NTM: variants seen among roughly 807,000 people sequenced by gnomAD.
NTM encodes IgLON family member 2.
NTM carries 13 observed loss-of-function variants against 42.1 expected under a neutral mutation model. The ratio of observed to expected loss-of-function variants is 0.31; its 90% CI spans 0.20 to 0.49. The LOEUF (loss-of-function observed/expected upper bound fraction) is 0.49. Ranked by LOEUF, NTM falls within the 20% of genes least tolerant of loss-of-function variation. The probability of loss-of-function intolerance (pLI) is 0.99; values close to 1 mark genes in which losing one functional copy is unlikely to be tolerated. For missense variants in NTM, 373 were observed against 452.8 expected (o/e 0.82, Z 1.60); for synonymous variants, 187 against 179.2 (o/e 1.04, Z -0.35).
rs114186188 is a variant in NTM at position 132,254,662 on chromosome 11, C to T, written c.526+42515C>T. ...CTCTCTCCCACTTCTATAAAAGACT[C>T]GGTTTCTGCATCACTGGAAGACCGC... On this transcript the variant is annotated intron_variant, in intron 4 of 8. Coordinates refer to ENST00000683400, the MANE Select transcript of NTM (RefSeq NM_001352005.2). 9.0e-4 allele frequency among the ~76,000 whole-genome samples: 137 copies of T among 152,196 alleles called. 1 individual carries two copies. Among genetic ancestry groups the T allele is most frequent in the African/African-American group, 3.3e-3 (136 of 41,532 alleles).
chr11:132,208,838 G>C (rs543492307), intron 3 of NTM, among the ~76,000 whole-genome samples: 1 of 152,176 alleles, frequency 6.6e-6, no homozygotes, highest in African/African-American at 2.4e-5. Context: ...CATGGCATTG[G>C]CGTGACATAA....
chr11:131,500,577 A>ATATT (rs2046659628), intron 1 of NTM, among the ~76,000 whole-genome samples: 1 of 76,200 alleles, frequency 1.3e-5, no homozygotes, highest in Non-Finnish European at 2.2e-5. Flanking sequence ...ATATATATAT[A>ATATT]TTTTTTTTTT....
intron 2 of NTM, among the ~76,000 whole-genome samples, chr11:131,986,855 ATAACT>A (rs2066148621): frequency 6.6e-6 from 1 of 152,228 alleles, no homozygotes; most frequent in South Asian, 2.1e-4. Flanking sequence ...TTAGTCTTAA[ATAACT>A]TAATTCTTAT....
intron 3 of NTM, among the ~76,000 whole-genome samples, chr11:132,199,053 G>A (rs1029215360): frequency 6.6e-6 from 1 of 152,242 alleles, no homozygotes; most frequent in Non-Finnish European, 1.5e-5. Flanking sequence ...GAAAGTGGCA[G>A]TGAATTCTTT....
At chr11:131,389,449 G>C (rs1050367537) in intron 1 of NTM, among the ~76,000 whole-genome samples, 1 of 152,196 alleles carries the variant, frequency 6.6e-6, no homozygotes, top group African/African-American at 2.4e-5. Context: ...CATTCGCCTT[G>C]GTGGCAGGTG....
chr11:131,734,284 C>T (rs543783882), intron 1 of NTM, among the ~76,000 whole-genome samples: 22 of 152,270 alleles, frequency 1.4e-4, no homozygotes, highest in African/African-American at 4.3e-4. Context: ...GCTGAATGGC[C>T]GCTGCCATGG....
chr11:132,166,120 C>A (rs369919111), intron 3 of NTM, among the ~76,000 whole-genome samples: 2 of 152,112 alleles, frequency 1.3e-5, no homozygotes, highest in African/African-American at 4.8e-5. Flanking sequence ...AATCATGTAG[C>A]ACTTTTCTTT....
At chr11:131,580,960 C>T (rs1375744196) in intron 1 of NTM, among the ~76,000 whole-genome samples, 1 of 152,090 alleles carries the variant, frequency 6.6e-6, no homozygotes. Context: ...AAGAGCTATG[C>T]TTGGTCAGTA....
intron 1 of NTM, among the ~76,000 whole-genome samples, chr11:131,670,390 T>TC (rs1482491213): frequency 2.0e-5 from 3 of 152,066 alleles, no homozygotes; most frequent in East Asian, 3.9e-4. Context: ...TTTCTTTCTT[T>TC]TTCTTTCTTT....
chr11:131,866,244 CCTT>C (rs1406018683), intron 1 of NTM, among the ~76,000 whole-genome samples: 86 of 152,324 alleles, frequency 5.6e-4, no homozygotes, highest in African/African-American at 2.0e-3. Flanking sequence ...TCCTTTTCAC[CCTT>C]CTTTTTCCAT....
intron 8 of NTM, among the ~76,000 whole-genome samples, chr11:132,334,630 G>A (rs2095854710): frequency 6.6e-6 from 1 of 152,114 alleles, no homozygotes; most frequent in African/African-American, 2.4e-5. Context: ...GGGTGGGTGA[G>A]TATTTCAGGC....
intron 2 of NTM, among the ~76,000 whole-genome samples, chr11:132,139,006 C>T (rs144737900): frequency 2.0e-5 from 3 of 152,282 alleles, no homozygotes; most frequent in African/African-American, 7.2e-5. Context: ...CACTGAAGTC[C>T]AAGCTCCAAT....
intron 1 of NTM, among the ~76,000 whole-genome samples, chr11:131,798,517 A>C (rs966117881): frequency 6.6e-6 from 1 of 152,134 alleles, no homozygotes; most frequent in Non-Finnish European, 1.5e-5. Context: ...CTATCTAACA[A>C]ATATTTACTG....
intron 1 of NTM, among the ~76,000 whole-genome samples, chr11:131,856,197 A>G (rs1430869937): frequency 6.6e-6 from 1 of 152,066 alleles, no homozygotes; most frequent in African/African-American, 2.4e-5. Flanking sequence ...GCAGCTTACA[A>G]TGCTAATTTT....
chr11:131,630,145 C>T (rs2063510373), intron 1 of NTM, among the ~76,000 whole-genome samples: 1 of 152,096 alleles, frequency 6.6e-6, no homozygotes, highest in Non-Finnish European at 1.5e-5. Context: ...GCTCCATCTA[C>T]CGGCAAAGGA....
In NTM at chr11:132,184,789, A is replaced by G. The variant is rs186869490; in HGVS notation, c.401-27233A>G. ...AAATTTTTTGGGAAAAATAATATTC[A>G]TTTCTAGGCAGTTGACCTTCAGTCA... On this transcript the variant is annotated intron_variant, in intron 3 of 8. Transcript: ENST00000683400. 2.1e-3 allele frequency among the ~76,000 whole-genome samples: 317 copies of G among 152,060 alleles called. 2 individuals are homozygous for G. Among genetic ancestry groups the G allele is most frequent in the African/African-American group, 7.1e-3 (296 of 41,480 alleles).
intron 2 of NTM, among the ~76,000 whole-genome samples, chr11:131,949,028 A>T (rs2060690501): frequency 6.6e-6 from 1 of 152,148 alleles, no homozygotes; most frequent in Admixed American, 6.5e-5. Flanking sequence ...TTCTACGGTG[A>T]CTCTACGTGT....
At chr11:131,543,711 G>A (rs757142045) in intron 1 of NTM, among the ~76,000 whole-genome samples, 42 of 152,156 alleles carry the variant, frequency 2.8e-4, no homozygotes, top group Non-Finnish European at 4.1e-4. Context: ...GCACAGGTTC[G>A]AGCGCTCTCC....
At chr11:131,658,906 G>C (rs560333477) in intron 1 of NTM, among the ~76,000 whole-genome samples, 2 of 152,172 alleles carry the variant, frequency 1.3e-5, no homozygotes, top group South Asian at 4.1e-4. Flanking sequence ...GGGCATCAGA[G>C]GTTGGCAGTG....
Sources: allele counts gnomAD v4.1 joint callset (sites outside exome capture counted in the v4.1 genomes callset), GRCh38; gene constraint gnomAD v4.1.1; transcripts MANE v1.5; gene names NCBI Gene and HGNC (gene_info 2026-07-23, HGNC 2026-07-21).